TNRC6B: variants seen among roughly 807,000 people sequenced by gnomAD.
TNRC6B encodes the protein trinucleotide repeat-containing gene 6B protein.
A neutral mutation model predicts 203.6 loss-of-function variants in TNRC6B; 52 were observed. The ratio of observed to expected loss-of-function variants is 0.26; its 90% confidence interval spans 0.20 to 0.32. The LOEUF (loss-of-function observed/expected upper bound fraction) is 0.32. TNRC6B is among the 10% of genes least tolerant of loss of function. TNRC6B has a pLI of 1.00. For missense variants in TNRC6B, 1,923 were observed against 2,286.2 expected (o/e 0.84, Z 3.24); for synonymous variants, 838 against 845.7 (o/e 0.99, Z 0.16).
At position 40,198,690 on chromosome 22, in the gene TNRC6B, G is replaced by A. The variant is rs762755860; in HGVS notation, c.5+20550G>A. ...AGGAGACAGCTAGAATTAACCCTGT[G>A]ATGCTAGATCGGAATCAGAAGTATT... On this transcript the variant is annotated intron_variant, in intron 1 of 22. Coordinates refer to ENST00000454349, the MANE Select transcript of TNRC6B (RefSeq NM_001162501.2). 1.2e-3 allele frequency among the ~76,000 whole-genome samples: 179 copies of A among 152,274 alleles called. 2 individuals are homozygous for A. Among genetic ancestry groups the A allele is most frequent in the Non-Finnish European group, 2.3e-3 (159 of 67,986 alleles).
chr22:40,236,273 C>T (rs538822507), intron 1 of TNRC6B, among the ~76,000 whole-genome samples: 1 of 152,266 alleles, frequency 6.6e-6, no homozygotes, highest in East Asian at 1.9e-4. Context: ...CCTGCCTCAC[C>T]CTACCCCCCT....
At chr22:40,065,129 G>A (rs1315541476) in intron 1 of TNRC6B, among the ~76,000 whole-genome samples, 1 of 151,558 alleles carries the variant, frequency 6.6e-6, no homozygotes, top group Admixed American at 6.6e-5. Flanking sequence ...GTGGAGGGAG[G>A]GTTTGTAAAT....
chr22:40,130,952 AGT>A (rs1344511476), intron 3 of TNRC6B, among the ~76,000 whole-genome samples: 6 of 150,246 alleles, frequency 4.0e-5, no homozygotes, highest in African/African-American at 1.5e-4. Context: ...CCCAGGCTGG[AGT>A]GCAGTGGTGC....
intron 12 of TNRC6B, among the ~76,000 whole-genome samples, chr22:40,291,064 C>G (rs1251503362): frequency 6.6e-6 from 1 of 152,082 alleles, no homozygotes; most frequent in Non-Finnish European, 1.5e-5. Context: ...TTCTGTATTT[C>G]TAAAAAATGA....
upstream of TNRC6B, among the ~76,000 whole-genome samples, chr22:40,177,714 G>C (rs1211869163): frequency 1.3e-5 from 2 of 152,222 alleles, no homozygotes; most frequent in Non-Finnish European, 2.9e-5. Flanking sequence ...TTGTTCATCT[G>C]TTACCCTTAT....
intron 1 of TNRC6B, among the ~76,000 whole-genome samples, chr22:40,073,192 G>C (rs73422357): frequency 0.038 from 5,265 of 138,174 alleles, 296 homozygotes; most frequent in African/African-American, 0.13. Context: ...AGCCATATAT[G>C]TGGGACAGCA....
Position 40,281,123 on chromosome 22 carries a change from C to T in TNRC6B, c.3416C>T (p.Thr1139Ile). The T allele has an allele frequency of 6.5e-7, 1 of 1,548,686 alleles. No individual in the cohort carries two copies. Among genetic ancestry groups the T allele is most frequent in the Non-Finnish European group, 8.7e-7 (1 of 1,145,614 alleles). Reference sequence around the variant, plus strand: ...CTAACTCCTACTACTTTTCAGCTGACTTTGCCTTTCTCCAATCAAGATGGG... The same window carrying T: ...CTAACTCCTACTACTTTTCAGCTGATTTTGCCTTTCTCCAATCAAGATGGG... ...TDSGPYFEKLTLPFSNQDGCL... is the reference protein window; with the variant it reads ...TDSGPYFEKLILPFSNQDGCL... Residue 1139 changes from threonine to isoleucine, a missense_variant, in exon 11 of 23, where the codon ACT (threonine) becomes ATT (isoleucine). Thr to Ile is a moderately conservative substitution (Grantham distance 89). Around this residue, in one of 8 missense-constraint regions of TNRC6B, gnomAD observed 599 missense variants for 656.5 expected, o/e 0.91. Coordinates refer to ENST00000454349, the MANE Select transcript of TNRC6B (RefSeq NM_001162501.2).
intron 1 of TNRC6B, among the ~76,000 whole-genome samples, chr22:40,103,949 A>G (rs553174227): frequency 1.3e-5 from 2 of 150,108 alleles, no homozygotes; most frequent in East Asian, 2.0e-4. Flanking sequence ...AGCCAAGTCT[A>G]TCTTTTAAAA....
chr22:40,112,789 G>GT (rs1163917298), intron 1 of TNRC6B, among the ~76,000 whole-genome samples: 1 of 152,182 alleles, frequency 6.6e-6, no homozygotes, highest in African/African-American at 2.4e-5. Context: ...TGAGAAATTA[G>GT]TATGTTGAGA....
intron 3 of TNRC6B, among the ~76,000 whole-genome samples, chr22:40,132,969 A>AAGTATAT (rs1282694632): frequency 1.3e-5 from 1 of 78,174 alleles, no homozygotes; most frequent in African/African-American, 4.0e-5. Flanking sequence ...AAAAAAAAAA[A>AAGTATAT]ATATATATAT....
intron 3 of TNRC6B, among the ~76,000 whole-genome samples, chr22:40,155,060 A>G (rs1290077129): frequency 1.3e-5 from 2 of 150,674 alleles, no homozygotes; most frequent in African/African-American, 4.9e-5. Flanking sequence ...TAGTTCATTC[A>G]TTTTCATGCA....
At chr22:40,307,277 AC>A (rs1434179769) in intron 15 of TNRC6B, among the ~76,000 whole-genome samples, 1 of 151,986 alleles carries the variant, frequency 6.6e-6, no homozygotes, top group Non-Finnish European at 1.5e-5. Flanking sequence ...AAAATTGAGG[AC>A]CCTTTATGGG....
At chr22:40,231,070 A>G (rs559698212) in intron 1 of TNRC6B, among the ~76,000 whole-genome samples, 1 of 151,530 alleles carries the variant, frequency 6.6e-6, no homozygotes. Flanking sequence ...TATATATATC[A>G]GTGTATTTGT....
chr22:40,145,618 C>A (rs142572964), intron 3 of TNRC6B, among the ~76,000 whole-genome samples: 1 of 152,002 alleles, frequency 6.6e-6, no homozygotes, highest in African/African-American at 2.4e-5. Flanking sequence ...CTAAGGCAGG[C>A]GGATCACAAG....
chr22:40,170,716 AACAT>A (rs1462358223), intron 4 of TNRC6B, among the ~76,000 whole-genome samples: 1 of 138,402 alleles, frequency 7.2e-6, no homozygotes. Context: ...TACATATATA[AACAT>A]ACATATATAG....
intron 1 of TNRC6B, among the ~76,000 whole-genome samples, chr22:40,059,823 T>TTG (rs201572243): frequency 0.042 from 6,330 of 150,300 alleles, 401 homozygotes; most frequent in African/African-American, 0.14. Context: ...TGGTTTTTTT[T>TTG]TTTTTTTTTT....
chr22:40,169,716 T>C (rs1466270943), intron 4 of TNRC6B, among the ~76,000 whole-genome samples: 1 of 152,108 alleles, frequency 6.6e-6, no homozygotes, highest in Non-Finnish European at 1.5e-5. Flanking sequence ...ACAAATCTGA[T>C]TGTATCTCTA....
At chr22:40,136,648 A>G (rs2068602606) in intron 3 of TNRC6B, among the ~76,000 whole-genome samples, 1 of 151,612 alleles carries the variant, frequency 6.6e-6, no homozygotes, top group Admixed American at 6.6e-5. Context: ...GGCTCAAGAG[A>G]TCCTCCCACC....
chr22:40,273,380 T>C (rs1230919985), intron 6 of TNRC6B, 45 bp from the exon 7 acceptor site: 3 of 1,496,582 alleles, frequency 2.0e-6, no homozygotes, highest in Middle Eastern at 1.8e-4. Flanking sequence ...CTGATGATTG[T>C]TTTATATAGC....
Sources: gnomAD v4.1 joint callset for allele counts (sites outside exome capture counted in the v4.1 genomes callset) on GRCh38, gnomAD v4.1.1 for gene constraint, gnomAD v4.1.1 regional missense constraint, MANE v1.5 for transcripts, NCBI Gene and HGNC (gene_info 2026-07-23, HGNC 2026-07-21) for gene names.